Variants in HSDL2 observed in about 807,000 individuals in gnomAD.
HSDL2 encodes the protein hydroxysteroid dehydrogenase-like protein 2.
A neutral mutation model predicts 46.3 loss-of-function variants in HSDL2; 27 were observed. That is an observed-to-expected ratio of 0.58 (90% confidence interval 0.43 to 0.80). HSDL2 has a LOEUF of 0.80. Ranked by LOEUF, HSDL2 falls within the 30% of genes least tolerant of loss-of-function variation. HSDL2 has a pLI of 0.00. For synonymous variants in HSDL2, 153 were observed against 163.6 expected (o/e 0.94, Z 0.50); for missense variants, 451 against 502.7 (o/e 0.90, Z 0.98).
intron 8 of HSDL2, among the ~76,000 whole-genome samples, chr9:112,448,291 G>A (rs945148636): frequency 1.6e-5 from 2 of 122,520 alleles, no homozygotes; most frequent in African/African-American, 6.7e-5. Context: ...GAACTTCCAG[G>A]AGGTTCATTA....
chr9:112,439,453 T>C (rs897140647), intron 7 of HSDL2, among the ~76,000 whole-genome samples: 1 of 152,190 alleles, frequency 6.6e-6, no homozygotes, highest in Non-Finnish European at 1.5e-5. Flanking sequence ...GAGAAGCTTC[T>C]AGAAAGCCCT....
chr9:112,382,091 C>G (rs1457455122), intron 1 of HSDL2, among the ~76,000 whole-genome samples: 1 of 152,016 alleles, frequency 6.6e-6, no homozygotes, highest in Admixed American at 6.6e-5. Flanking sequence ...TACAAAATTA[C>G]AAAAATTACA....
chr9:112,415,440 G>A (rs965609948), intron 4 of HSDL2, among the ~76,000 whole-genome samples: 16 of 152,150 alleles, frequency 1.1e-4, no homozygotes, highest in Admixed American at 6.6e-5. Flanking sequence ...ATTTGCAGAG[G>A]AGAGAACTGA....
In HSDL2 at chr9:112,454,014, T is replaced by G; in HGVS notation, c.867T>G (p.Gly289=). The change falls in exon 9 of 11, where the codon GGT becomes GGG. Residue 289 remains glycine, a splice_region_variant and synonymous_variant. Transcript: ENST00000398805. ...EAVSKKVEST[G]AVPEFKEEKL... is the part of the protein sequence containing the mutation. The stretch of plus-strand genomic sequence containing the variant: ...ATTTGCTTCAATAATATCTTATAGG[T>G]GCTGTTCCAGAATTCAAAGAAGAGA... 1 of 1,613,272 alleles carries G rather than the reference T, an allele frequency of 6.2e-7. No homozygotes were observed. Among genetic ancestry groups the G allele is most frequent in the Non-Finnish European group, 8.5e-7 (1 of 1,179,632 alleles).
chr9:112,418,241 A>T (rs1393651577), intron 5 of HSDL2, among the ~76,000 whole-genome samples: 1 of 152,144 alleles, frequency 6.6e-6, no homozygotes, highest in Non-Finnish European at 1.5e-5. Context: ...TTTACAAAAT[A>T]GTACAGTGAA....
chr9:112,404,851 T>C (rs1307634567), intron 2 of HSDL2, among the ~76,000 whole-genome samples: 3 of 152,192 alleles, frequency 2.0e-5, no homozygotes, highest in Non-Finnish European at 4.4e-5. Flanking sequence ...GTTAGAGGAA[T>C]GCATGTGAAG....
At chr9:112,457,129 C>A (rs1479331938) in intron 9 of HSDL2, among the ~76,000 whole-genome samples, 1 of 151,876 alleles carries the variant, frequency 6.6e-6, no homozygotes, top group East Asian at 1.9e-4. Flanking sequence ...GCTTGGGCAA[C>A]AGAGCGAGAC....
intron 1 of HSDL2, among the ~76,000 whole-genome samples, chr9:112,394,186 A>G (rs1313573980): frequency 1.3e-5 from 2 of 152,138 alleles, no homozygotes; most frequent in African/African-American, 2.4e-5. Flanking sequence ...GGTAGTGGGG[A>G]CAACAGACAG....
intron 3 of HSDL2, among the ~76,000 whole-genome samples, chr9:112,406,522 G>A (rs1831734178): frequency 6.6e-6 from 1 of 151,864 alleles, no homozygotes; most frequent in African/African-American, 2.4e-5. Context: ...CCAGGCTGGA[G>A]TGCAGTGGCG....
At chr9:112,463,937 AG>A (rs1290267209) in intron 10 of HSDL2, among the ~76,000 whole-genome samples, 1 of 152,134 alleles carries the variant, frequency 6.6e-6, no homozygotes, top group Admixed American at 6.5e-5. Flanking sequence ...CTGGGATTAT[AG>A]GCATGAGCCA....
At chr9:112,454,276 C>T in intron 9 of HSDL2, 114 bp downstream of exon 9, 1 of 749,794 alleles carries the variant, frequency 1.3e-6, no homozygotes, top group Non-Finnish European at 2.2e-6. Context: ...CATTCAAGAC[C>T]CTTACTCTTG....
rs59586435 is a variant in HSDL2 at position 112,449,080 on chromosome 9, G to GT, written c.866-4914dup. 4.2e-4 allele frequency among the ~76,000 whole-genome samples: 50 copies of GT among 118,962 alleles called. 1 individual carries two copies. The highest frequency in any genetic ancestry group is 2.1e-3 in the East Asian group (9 of 4,340). 78.0% of individuals were successfully genotyped at this position (118,962 alleles called of 152,430 possible). A position where few individuals can be genotyped will look rare whatever the true frequency, so the allele number is the denominator to read the frequency against. On this transcript the variant is annotated intron_variant, in intron 8 of 10. Transcript: ENST00000398805. ...TCAAACTGTTTTATCTCTTTCCTCT[G>GT]TTTTTTTTTTTTTTTTTTTCTTTTA...
chr9:112,387,259 G>A (rs559301927), intron 1 of HSDL2, among the ~76,000 whole-genome samples: 15 of 151,382 alleles, frequency 9.9e-5, no homozygotes, highest in African/African-American at 3.6e-4. Context: ...TCACTCTGTG[G>A]TTCAGGCTGG....
chr9:112,419,481 A>G (rs557329137), intron 6 of HSDL2, among the ~76,000 whole-genome samples: 2 of 152,144 alleles, frequency 1.3e-5, no homozygotes, highest in Non-Finnish European at 2.9e-5. Flanking sequence ...TCTTCAGCCA[A>G]TAGCCTTTGT....
intron 8 of HSDL2, among the ~76,000 whole-genome samples, chr9:112,453,433 C>G (rs1832936544): frequency 6.6e-6 from 1 of 152,170 alleles, no homozygotes; most frequent in Non-Finnish European, 1.5e-5. Context: ...CCCTCTGTCA[C>G]CAAGGCTGGA....
intron 6 of HSDL2, among the ~76,000 whole-genome samples, chr9:112,432,721 A>T (rs1404830996): frequency 6.6e-6 from 1 of 152,148 alleles, no homozygotes; most frequent in Admixed American, 6.5e-5. Context: ...TCCAATTTAC[A>T]GTCATGTTCC....
intron 10 of HSDL2, among the ~76,000 whole-genome samples, chr9:112,461,114 T>G (rs1833198330): frequency 6.6e-6 from 1 of 152,062 alleles, no homozygotes; most frequent in East Asian, 1.9e-4. Flanking sequence ...TTTGCTCTTG[T>G]TGCCCAGGCT....
intron 6 of HSDL2, among the ~76,000 whole-genome samples, chr9:112,420,096 T>G (rs1241140846): frequency 1.3e-5 from 2 of 152,140 alleles, no homozygotes; most frequent in East Asian, 3.9e-4. Context: ...ATCCCAACAC[T>G]TTGGGAGGCC....
At chr9:112,418,643 G>A (rs1224916984) in intron 5 of HSDL2, among the ~76,000 whole-genome samples, 1 of 150,714 alleles carries the variant, frequency 6.6e-6, no homozygotes, top group African/African-American at 2.4e-5. Flanking sequence ...TTTTCTTCCT[G>A]ATATATATGT....
Sources: allele counts gnomAD v4.1 joint callset (sites outside exome capture counted in the v4.1 genomes callset), GRCh38; gene constraint gnomAD v4.1.1; transcripts MANE v1.5; gene names NCBI Gene and HGNC (gene_info 2026-07-23, HGNC 2026-07-21).